LHFPL6: variants seen among roughly 807,000 people sequenced by gnomAD.
The protein encoded by LHFPL6 is LHFPL tetraspan subfamily member 6 protein.
In LHFPL6, 9 loss-of-function variants were observed where a neutral mutation model predicts 20.6. The observed-to-expected ratio is 0.44, with a 90% confidence interval of 0.26 to 0.76. The LOEUF (loss-of-function observed/expected upper bound fraction) is 0.76, where lower values mean the gene tolerates loss of function less well. LHFPL6 is among the 30% of genes least tolerant of loss of function. The pLI is 0.20. For synonymous variants in LHFPL6, 105 were observed against 98.7 expected (o/e 1.06, Z -0.38); for missense variants, 218 against 253.5 (o/e 0.86, Z 0.95).
chr13:39,463,389 A>G (rs117825827), intron 2 of LHFPL6, among the ~76,000 whole-genome samples: 46 of 150,128 alleles, frequency 3.1e-4, no homozygotes, highest in Non-Finnish European at 4.7e-4. Context: ...TGTTTATTCT[A>G]CTAGTTTTTA....
At chr13:39,426,670 C>T (rs1329703264) in intron 2 of LHFPL6, among the ~76,000 whole-genome samples, 4 of 152,138 alleles carry the variant, frequency 2.6e-5, no homozygotes, top group African/African-American at 7.2e-5. Flanking sequence ...AAACTTCAAT[C>T]TTTCTTATGG....
chr13:39,584,229 T>C (rs1872375248), intron 2 of LHFPL6, among the ~76,000 whole-genome samples: 1 of 152,110 alleles, frequency 6.6e-6, no homozygotes, highest in Non-Finnish European at 1.5e-5. Context: ...AATACATTTG[T>C]TGAATAAGTG....
At chr13:39,415,396 C>A (rs1170449931) in intron 2 of LHFPL6, among the ~76,000 whole-genome samples, 3 of 151,806 alleles carry the variant, frequency 2.0e-5, no homozygotes, top group African/African-American at 4.8e-5. Context: ...TGTGTATGCA[C>A]ATGCATGTGT....
intron 2 of LHFPL6, among the ~76,000 whole-genome samples, chr13:39,506,221 C>A (rs774956166): frequency 1.5e-4 from 23 of 152,156 alleles, no homozygotes; most frequent in Non-Finnish European, 2.6e-4. Flanking sequence ...ATTCTGTGAT[C>A]AACAGTGCGG....
chr13:39,537,998 T>C (rs1353874996), intron 2 of LHFPL6, among the ~76,000 whole-genome samples: 1 of 147,966 alleles, frequency 6.8e-6, no homozygotes, highest in African/African-American at 2.6e-5. Flanking sequence ...CTTTCTTTTT[T>C]TTTTTTTTTT....
chr13:39,525,072 G>A (rs943732605), intron 2 of LHFPL6, among the ~76,000 whole-genome samples: 2 of 152,292 alleles, frequency 1.3e-5, no homozygotes, highest in East Asian at 1.9e-4. Flanking sequence ...ATGTATTTGA[G>A]GGCCACCTAT....
At chr13:39,481,692 C>T (rs543583221) in intron 2 of LHFPL6, among the ~76,000 whole-genome samples, 6 of 151,970 alleles carry the variant, frequency 3.9e-5, no homozygotes, top group Non-Finnish European at 8.8e-5. Flanking sequence ...AGGAAGGGGG[C>T]GGGAGACTGA....
chr13:39,491,423 A>G (rs991109304), intron 2 of LHFPL6, among the ~76,000 whole-genome samples: 1 of 152,168 alleles, frequency 6.6e-6, no homozygotes, highest in African/African-American at 2.4e-5. Flanking sequence ...CCTGAAAGAG[A>G]GTGGAAAATA....
chr13:39,502,616 A>AAC (rs1444285247), intron 2 of LHFPL6, among the ~76,000 whole-genome samples: 4 of 152,164 alleles, frequency 2.6e-5, no homozygotes, highest in Non-Finnish European at 4.4e-5. Flanking sequence ...TTGTCTCTAA[A>AAC]ACACACACAC....
intron 2 of LHFPL6, among the ~76,000 whole-genome samples, chr13:39,446,065 A>G (rs1469368366): frequency 6.6e-6 from 1 of 152,208 alleles, no homozygotes; most frequent in Non-Finnish European, 1.5e-5. Flanking sequence ...TAAGATACCT[A>G]TTACTTTCAA....
At chr13:39,501,093 G>C (rs1869278809) in intron 2 of LHFPL6, among the ~76,000 whole-genome samples, 1 of 152,174 alleles carries the variant, frequency 6.6e-6, no homozygotes. Flanking sequence ...GTTGAGAAAA[G>C]TGTGGGCACC....
intron 2 of LHFPL6, among the ~76,000 whole-genome samples, chr13:39,396,273 T>C (rs746948988): frequency 6.6e-6 from 1 of 152,122 alleles, no homozygotes; most frequent in Non-Finnish European, 1.5e-5. Flanking sequence ...ATATTGTATA[T>C]AAGGGCAAGG....
At chr13:39,505,966 T>A (rs1310126111) in intron 2 of LHFPL6, among the ~76,000 whole-genome samples, 1 of 152,198 alleles carries the variant, frequency 6.6e-6, no homozygotes, top group Non-Finnish European at 1.5e-5. Context: ...TTATAAAGGA[T>A]CTGCGGAACA....
At chr13:39,394,369 G>C (rs1205634531) in intron 2 of LHFPL6, among the ~76,000 whole-genome samples, 2 of 152,150 alleles carry the variant, frequency 1.3e-5, no homozygotes, top group African/African-American at 4.8e-5. Context: ...CTGGGGAGTA[G>C]GGCTTCAACA....
intron 2 of LHFPL6, among the ~76,000 whole-genome samples, chr13:39,413,323 C>G (rs1235670659): frequency 6.6e-6 from 1 of 152,060 alleles, no homozygotes; most frequent in South Asian, 2.1e-4. Flanking sequence ...TGAAATGTAT[C>G]CACATTGATA....
chr13:39,381,119 C>T (rs1870426968), intron 2 of LHFPL6, among the ~76,000 whole-genome samples: 1 of 152,154 alleles, frequency 6.6e-6, no homozygotes, highest in South Asian at 2.1e-4. Flanking sequence ...TGAAACTGGT[C>T]CGTGGTGTAA....
At chr13:39,549,281 A>G (rs1211321136) in intron 2 of LHFPL6, among the ~76,000 whole-genome samples, 1 of 152,182 alleles carries the variant, frequency 6.6e-6, no homozygotes, top group Non-Finnish European at 1.5e-5. Context: ...TGTTGGAACA[A>G]TCGTACATCC....
At chr13:39,405,545 G>A (rs1193015972) in intron 2 of LHFPL6, among the ~76,000 whole-genome samples, 2 of 152,126 alleles carry the variant, frequency 1.3e-5, no homozygotes, top group African/African-American at 4.8e-5. Context: ...AATCCTTGAC[G>A]ATATAAACAT....
chr13:39,445,450 C>T (rs1318525275), intron 2 of LHFPL6, among the ~76,000 whole-genome samples: 4 of 152,204 alleles, frequency 2.6e-5, no homozygotes, highest in South Asian at 4.1e-4. Context: ...ATGAATTTCT[C>T]ACCCAGCTCC....
Sources: allele counts gnomAD v4.1 joint callset (sites outside exome capture counted in the v4.1 genomes callset), GRCh38; gene constraint gnomAD v4.1.1; transcripts MANE v1.5; gene names NCBI Gene and HGNC (gene_info 2026-07-23, HGNC 2026-07-21).